LYST: variants seen among roughly 807,000 people sequenced by gnomAD.
The protein encoded by LYST is lysosomal trafficking regulator.
A neutral mutation model predicts 413.6 loss-of-function variants in LYST; 192 were observed. The observed-to-expected ratio is 0.46, with a 90% CI of 0.41 to 0.52. The LOEUF is 0.52. Ranked by LOEUF, LYST falls within the 20% of genes least tolerant of loss-of-function variation. The pLI, the probability that LYST is intolerant of heterozygous loss-of-function variation, is 0.00. For missense variants in LYST, 3,815 were observed against 4,499.9 expected (o/e 0.85, Z 4.35); for synonymous variants, 1,525 against 1,567.3 (o/e 0.97, Z 0.64).
rs766713231 is a variant in LYST, at chr1:235,702,987, GAA to G, written c.10144-12_10144-11del. The G allele has an allele frequency of 3.8e-6, 6 of 1,573,988 alleles. No homozygotes were observed. Among genetic ancestry groups the G allele is most frequent in the Non-Finnish European group, 5.2e-6 (6 of 1,143,430 alleles). On this transcript the variant is annotated splice_polypyrimidine_tract_variant and intron_variant, in intron 44 of 52. Transcript: ENST00000389793. Reference sequence around the variant, plus strand: ...CCATTCCAAAATATGTCTGCAGAGTGAAAGAGTAAAGGAACAAGACATATGTA... The same window carrying G: ...CCATTCCAAAATATGTCTGCAGAGTGAGAGTAAAGGAACAAGACATATGTA...
rs1451628268 is a variant in LYST, at chr1:235,709,186, C to T, written c.10048G>A (p.Val3350Met). 4 of 1,613,996 alleles carry T rather than the reference C, an allele frequency of 2.5e-6. No homozygotes were observed. The highest frequency in any genetic ancestry group is 2.2e-5 in the East Asian group (1 of 44,902). The change falls in exon 44 of 53, where the codon GTG becomes ATG. Residue 3350 changes from valine (V) to methionine (M), a missense_variant. Val to Met is a conservative substitution (Grantham distance 21, BLOSUM62 1). This residue lies in a region of LYST where 866 missense variants were observed against 1,156.0 expected (regional missense o/e 0.75). Coordinates refer to ENST00000389793, the MANE Select transcript of LYST (RefSeq NM_000081.4). ...IHRQALESDY[V>M]SQNICQWIDL... ...ATCCACTGACAGATGTTCTGCGACA[C>T]GTAGTCAGACTCTAGAGCCTGCCGA... is the stretch of plus-strand genomic sequence containing the variant.
intron 34 of LYST, 25 bp from the exon 35 acceptor site, chr1:235,731,202 GT>G: frequency 6.2e-7 from 1 of 1,611,504 alleles, no homozygotes; most frequent in African/African-American, 1.3e-5. Flanking sequence ...ATTAAAGGGT[GT>G]TTTAAGTGAC....
intron 5 of LYST, among the ~76,000 whole-genome samples, chr1:235,808,248 G>A (rs1161698425): frequency 1.3e-5 from 2 of 152,116 alleles, no homozygotes; most frequent in Non-Finnish European, 2.9e-5. Flanking sequence ...TGACATGGAA[G>A]GAGAACATTT....
At chr1:235,847,939 G>A (rs1259601699) in intron 1 of LYST, among the ~76,000 whole-genome samples, 1 of 152,088 alleles carries the variant, frequency 6.6e-6, no homozygotes, top group Admixed American at 6.6e-5. Flanking sequence ...CAATAATAGT[G>A]GGGGACTTCA....
At chr1:235,868,738 C>G (rs1407955207), upstream of LYST, among the ~76,000 whole-genome samples, 1 of 152,126 alleles carries the variant, frequency 6.6e-6, no homozygotes, top group Non-Finnish European at 1.5e-5. Flanking sequence ...CTCTTTTTCC[C>G]TGACTGGAGT....
chr1:235,759,482 C>G lies in LYST; in HGVS notation c.6371G>C (p.Ser2124Thr). The change falls in exon 23 of 53, where the codon AGT becomes ACT. Residue 2124 changes from serine (S) to threonine (T), a missense_variant. Coordinates refer to ENST00000389793, the MANE Select transcript of LYST (RefSeq NM_000081.4). ...LLTQSQKLTG[S>T]LGCSIDRLQN... ...TAACCTGTCGATACTACAACCCAAACTTCCAGTCAGTTTTTGTGATTGCGT... is the reference window on the plus strand; with the variant it reads ...TAACCTGTCGATACTACAACCCAAAGTTCCAGTCAGTTTTTGTGATTGCGT... 6.2e-7 allele frequency: 1 copy of G among 1,614,130 alleles called. No individual in the cohort carries two copies. The highest frequency in any genetic ancestry group is 8.5e-7 in the Non-Finnish European group (1 of 1,180,010).
chr1:235,749,605 A>G (rs1666275833), intron 28 of LYST, among the ~76,000 whole-genome samples: 1 of 152,136 alleles, frequency 6.6e-6, no homozygotes, highest in Admixed American at 6.5e-5. Flanking sequence ...AAGGTCTTTT[A>G]TTAAGCTAAA....
At chr1:235,741,774 T>C (rs905197087) in intron 30 of LYST, 146 bp from the exon 31 acceptor site, 1 of 685,636 alleles carries the variant, frequency 1.5e-6, no homozygotes, top group Non-Finnish European at 2.6e-6. Context: ...GATATACATA[T>C]CCATACACAT....
chr1:235,765,782 T>C (rs538484242), intron 21 of LYST, among the ~76,000 whole-genome samples: 6 of 152,324 alleles, frequency 3.9e-5, no homozygotes, highest in Admixed American at 6.5e-5. Context: ...TGAAACCCTC[T>C]GTCCACTGAA....
chr1:235,787,016 G>A (rs918479884), intron 14 of LYST, 184 bp downstream of exon 14: 1 of 495,776 alleles, frequency 2.0e-6, no homozygotes, highest in Non-Finnish European at 3.6e-6. Flanking sequence ...CCTGCACATT[G>A]TGCACATGTA....
At chr1:235,831,918 T>C (rs968871547) in intron 2 of LYST, among the ~76,000 whole-genome samples, 5 of 152,178 alleles carry the variant, frequency 3.3e-5, no homozygotes, top group African/African-American at 7.2e-5. Context: ...CATAATTACT[T>C]AGTACACCAC....
chr1:235,685,059 C>T (rs1001803586), intron 48 of LYST, among the ~76,000 whole-genome samples: 13 of 150,608 alleles, frequency 8.6e-5, no homozygotes, highest in African/African-American at 2.7e-4. Context: ...GTATTTGCCA[C>T]CCCCCAAAAT....
intron 10 of LYST, among the ~76,000 whole-genome samples, chr1:235,797,640 A>G (rs1008969952): frequency 6.6e-6 from 1 of 152,196 alleles, no homozygotes; most frequent in Non-Finnish European, 1.5e-5. Flanking sequence ...CTCAAAATGA[A>G]TTCAGGATCT....
chr1:235,879,363 G>T (rs1046412201), intron 1 of LYST, among the ~76,000 whole-genome samples: 2 of 152,170 alleles, frequency 1.3e-5, no homozygotes, highest in Non-Finnish European at 2.9e-5. Context: ...TGGCCACTGG[G>T]GACTGGTTTT....
intron 2 of LYST, among the ~76,000 whole-genome samples, chr1:235,832,777 C>T (rs987994402): frequency 1.3e-5 from 2 of 151,956 alleles, no homozygotes; most frequent in Non-Finnish European, 2.9e-5. Flanking sequence ...TTATTACTTC[C>T]TTGAAGTAGA....
intron 3 of LYST, among the ~76,000 whole-genome samples, chr1:235,816,234 G>A (rs1674064868): frequency 6.8e-6 from 1 of 147,580 alleles, no homozygotes; most frequent in African/African-American, 2.5e-5. Context: ...AAGGTCAGGC[G>A]ATTGAGACCA....
At chr1:235,675,656 C>G (rs1659326728) in intron 50 of LYST, among the ~76,000 whole-genome samples, 1 of 152,158 alleles carries the variant, frequency 6.6e-6, no homozygotes, top group African/African-American at 2.4e-5. Context: ...CACTTCCAGA[C>G]CTGGTCCTGT....
chr1:235,755,541 G>A lies in LYST; in HGVS notation c.7166C>T (p.Thr2389Ile), dbSNP rs1185676148. The change falls in exon 25 of 53, where the codon ACT becomes ATT. Residue 2389 changes from threonine (T) to isoleucine (I), a missense_variant. Around this residue, in one of 4 missense-constraint regions of LYST, gnomAD observed 771 missense variants for 837.1 expected, o/e 0.92. Coordinates refer to ENST00000389793, the MANE Select transcript of LYST (RefSeq NM_000081.4). ...LANQLYLHRG[T>I]QELLECFIEM... is the part of the protein sequence containing the mutation. ...GATGAAGCATTCTAACAATTCTTGA[G>A]TTCCTCGATGAAGATACAACTGGTT... The A allele has an allele frequency of 6.2e-7, 1 of 1,613,486 alleles. No homozygotes were observed.
chr1:235,830,282 G>A lies in LYST; in HGVS notation c.136C>T (p.Leu46Phe). Residue 46 changes from leucine (L) to phenylalanine (F), a missense_variant, in exon 3 of 53, where the codon CTT becomes TTT. Physicochemically the swap from Leu to Phe is conservative, Grantham distance 22. This residue lies in a region of LYST where 1,648 missense variants were observed against 1,810.3 expected (regional missense o/e 0.91). Transcript: ENST00000389793. ...AATAGAAATCCTCGACCATGGACAAGGTACTGTCCAAGGGTTGCCATGTGC... is the reference window on the plus strand; with the variant it reads ...AATAGAAATCCTCGACCATGGACAAAGTACTGTCCAAGGGTTGCCATGTGC... ...ETHMATLGQY[L>F]VHGRGFLLLT... is the part of the protein sequence containing the mutation. The A allele has an allele frequency of 3.1e-6, 5 of 1,613,724 alleles. No individual in the cohort carries two copies. The highest frequency in any genetic ancestry group is 3.4e-6 in the Non-Finnish European group (4 of 1,179,670).
Sources: allele counts gnomAD v4.1 joint callset (sites outside exome capture counted in the v4.1 genomes callset), GRCh38; gene constraint gnomAD v4.1.1; regional missense constraint gnomAD v4.1.1; transcripts MANE v1.5; gene names NCBI Gene and HGNC (gene_info 2026-07-23, HGNC 2026-07-21).